MAP2K4: variants seen among roughly 807,000 people sequenced by gnomAD.
MAP2K4 encodes dual specificity mitogen-activated protein kinase kinase 4.
MAP2K4 carries 4 observed loss-of-function variants against 48.5 expected under a neutral mutation model. The ratio of observed to expected loss-of-function variants is 0.08; its 90% CI spans 0.04 to 0.19. The LOEUF is 0.19. MAP2K4 is among the 10% of genes least tolerant of loss of function. The pLI, the probability that MAP2K4 is intolerant of heterozygous loss-of-function variation, is 1.00. For missense variants in MAP2K4, 258 were observed against 493.3 expected, an observed-to-expected ratio of 0.52 and a Z score of 4.52; for synonymous variants, 166 against 173.1, an observed-to-expected ratio of 0.96 and a Z score of 0.32.
chr17:12,086,335 A>G (rs962336615), intron 3 of MAP2K4, among the ~76,000 whole-genome samples: 1 of 152,174 alleles, frequency 6.6e-6, no homozygotes. Flanking sequence ...AAGTGTAAGT[A>G]GAGCATTTCC....
At chr17:12,030,849 C>G (rs1969415246) in intron 1 of MAP2K4, among the ~76,000 whole-genome samples, 2 of 152,164 alleles carry the variant, frequency 1.3e-5, no homozygotes, top group African/African-American at 2.4e-5. Flanking sequence ...CCAGCCTCCT[C>G]TCCAGTTGTA....
chr17:12,079,590 C>T (rs540270108), intron 2 of MAP2K4, among the ~76,000 whole-genome samples: 2 of 152,170 alleles, frequency 1.3e-5, no homozygotes, highest in African/African-American at 2.4e-5. Context: ...CTTCAATTAG[C>T]GAACACTGTA....
chr17:12,110,524 C>G (rs1972270166), intron 6 of MAP2K4, 98 bp downstream of exon 6: 1 of 838,562 alleles, frequency 1.2e-6, no homozygotes, highest in Non-Finnish European at 1.9e-6. Context: ...TATAAACTTT[C>G]CTAAAATATT....
intron 1 of MAP2K4, among the ~76,000 whole-genome samples, chr17:12,053,369 T>C (rs1970198390): frequency 6.6e-6 from 1 of 152,048 alleles, no homozygotes; most frequent in Admixed American, 6.6e-5. Context: ...GTTAGTGTCT[T>C]TTTATATTTT....
rs573206805 is a variant in MAP2K4, at chr17:12,137,393, G to A, written c.1041-2446G>A. On this transcript the variant is annotated intron_variant, in intron 9 of 10. Coordinates refer to ENST00000353533, the MANE Select transcript of MAP2K4 (RefSeq NM_003010.4). ...AAATCAGTATATTTAGGATGCTCAA[G>A]GAAATAAAGGTATAAATTCAATTAA... Among the ~76,000 whole-genome samples the A allele has an allele frequency of 7.2e-5, 11 of 152,102 alleles. No individual in the cohort carries two copies. The South Asian group carries it at 1.9e-3, about 26-fold the overall frequency.
At position 12,054,961 on chromosome 17, in the gene MAP2K4, C is replaced by G. The variant is rs750208931; in HGVS notation, c.188C>G (p.Pro63Arg). The G allele has an allele frequency of 1.2e-6, 2 of 1,611,570 alleles. No homozygotes were observed. The highest frequency in any genetic ancestry group is 1.3e-5 in the African/African-American group (1 of 74,814). Reference protein sequence around the residue: ...FKSTARFTLNPNPTGVQNPHI... With the variant: ...FKSTARFTLNRNPTGVQNPHI... ...TCTACAGCAAGGTTTACTCTGAATC[C>G]CAATCCTACAGGAGTTCAAAACCCA... Residue 63 changes from proline to arginine, a missense_variant, in exon 2 of 11, where the codon CCC becomes CGC. Around this residue, in one of 3 missense-constraint regions of MAP2K4, gnomAD observed 132 missense variants for 352.8 expected, o/e 0.37. Coordinates refer to ENST00000353533, the MANE Select transcript of MAP2K4 (RefSeq NM_003010.4).
At chr17:12,124,327 C>T (rs1972783799) in intron 7 of MAP2K4, 1 of 152,168 alleles carries the variant, frequency 6.6e-6, no homozygotes, top group Admixed American at 6.5e-5. Context: ...TAGATGGTCC[C>T]TAATTTCAAG....
At chr17:12,067,729 C>T (rs906180719) in intron 2 of MAP2K4, among the ~76,000 whole-genome samples, 1 of 152,142 alleles carries the variant, frequency 6.6e-6, no homozygotes, top group African/African-American at 2.4e-5. Context: ...CAAAGCAATC[C>T]AGTATGTGTT....
At chr17:12,067,091 G>C (rs1247965987) in intron 2 of MAP2K4, among the ~76,000 whole-genome samples, 3 of 152,112 alleles carry the variant, frequency 2.0e-5, no homozygotes, top group Admixed American at 1.3e-4. Flanking sequence ...CAAAGTGCTG[G>C]GATTACAGGG....
intron 1 of MAP2K4, among the ~76,000 whole-genome samples, chr17:12,036,923 A>G (rs1019077217): frequency 3.3e-5 from 5 of 151,780 alleles, no homozygotes; most frequent in Non-Finnish European, 7.4e-5. Context: ...TAGCTGTAGT[A>G]TATTATCAGT....
At chr17:12,051,838 A>G (rs1970148274) in intron 1 of MAP2K4, among the ~76,000 whole-genome samples, 1 of 152,060 alleles carries the variant, frequency 6.6e-6, no homozygotes, top group African/African-American at 2.4e-5. Context: ...GACCCTTGAA[A>G]AAGAAGTAAA....
At chr17:12,091,917 C>T (rs1256654251) in intron 3 of MAP2K4, among the ~76,000 whole-genome samples, 1 of 151,898 alleles carries the variant, frequency 6.6e-6, no homozygotes, top group East Asian at 1.9e-4. Context: ...TCTGAAAATA[C>T]TTTTTATTAT....
At chr17:12,024,029 A>G (rs1348353297) in intron 1 of MAP2K4, among the ~76,000 whole-genome samples, 1 of 152,060 alleles carries the variant, frequency 6.6e-6, no homozygotes. Flanking sequence ...TTTACCACAC[A>G]ATTTCTTTAG....
intron 5 of MAP2K4, among the ~76,000 whole-genome samples, chr17:12,109,112 A>C (rs1400567171): frequency 6.6e-6 from 1 of 152,154 alleles, no homozygotes; most frequent in Non-Finnish European, 1.5e-5. Context: ...ATGAATGATA[A>C]ATCTGAAGCA....
intron 7 of MAP2K4, among the ~76,000 whole-genome samples, chr17:12,121,418 T>C (rs72821282): frequency 0.019 from 2,905 of 152,102 alleles, 47 homozygotes; most frequent in South Asian, 0.066. Flanking sequence ...AAAAAAACTA[T>C]CTTTTAGCTG....
intron 4 of MAP2K4, among the ~76,000 whole-genome samples, chr17:12,099,376 T>C (rs1218505620): frequency 1.3e-5 from 2 of 152,202 alleles, no homozygotes; most frequent in Non-Finnish European, 2.9e-5. Context: ...CTTTTTGATA[T>C]AATGATTTAT....
intron 4 of MAP2K4, among the ~76,000 whole-genome samples, chr17:12,101,197 T>C (rs1971926014): frequency 1.3e-5 from 2 of 152,288 alleles, no homozygotes; most frequent in South Asian, 4.1e-4. Context: ...AGGTATCACA[T>C]TTATACTTAT....
chr17:12,129,225 G>A lies in MAP2K4; in HGVS notation c.978G>A (p.Pro326=), dbSNP rs147290941. 207 of 1,614,044 alleles carry A rather than the reference G, an allele frequency of 1.3e-4. No individual in the cohort carries two copies. Among genetic ancestry groups the A allele is most frequent in the Non-Finnish European group, 1.7e-4 (198 of 1,179,990 alleles). ...QLTQVVKGDP[P]QLSNSEEREF... is the part of the protein sequence containing the mutation. ...CACAAGTCGTGAAAGGAGATCCTCC[G>A]CAGCTGAGTAATTCTGAGGAAAGGG... Residue 326 remains proline (P), a synonymous_variant, in exon 9 of 11, where the codon CCG becomes CCA. Transcript: ENST00000353533.
chr17:12,128,300 A>G (rs1296799713), intron 8 of MAP2K4, among the ~76,000 whole-genome samples: 1 of 152,138 alleles, frequency 6.6e-6, no homozygotes, highest in Non-Finnish European at 1.5e-5. Flanking sequence ...GATGGTGTCC[A>G]TCTCCTGACC....
Sources: allele counts gnomAD v4.1 joint callset (sites outside exome capture counted in the v4.1 genomes callset), GRCh38; gene constraint gnomAD v4.1.1; regional missense constraint gnomAD v4.1.1; transcripts MANE v1.5; gene names NCBI Gene and HGNC (gene_info 2026-07-23, HGNC 2026-07-21).